The following KIAA1549 variants were observed in gnomAD, a reference collection of about 807,000 sequenced individuals.
The protein encoded by KIAA1549 is UPF0606 protein KIAA1549.
Under a neutral mutation model 156.4 loss-of-function variants are expected in KIAA1549, and 70 were observed. That is an observed-to-expected ratio of 0.45 (90% CI 0.37 to 0.55). The LOEUF (loss-of-function observed/expected upper bound fraction) is 0.55. Ranked by LOEUF, KIAA1549 falls within the 20% of genes least tolerant of loss-of-function variation. KIAA1549 has a pLI of 0.00. For missense variants in KIAA1549, 2,428 were observed against 2,540.9 expected (o/e 0.96, Z 0.96); for synonymous variants, 1,103 against 1,066.4 (o/e 1.03, Z -0.67).
intron 1 of KIAA1549, among the ~76,000 whole-genome samples, chr7:138,939,668 T>C (rs1389945549): frequency 6.6e-6 from 1 of 152,240 alleles, no homozygotes; most frequent in Admixed American, 6.5e-5. Flanking sequence ...AGGAAGCGCC[T>C]GGTTTCTGGC....
Position 138,832,229 on chromosome 7 carries a change from C to A in KIAA1549, c.*5677G>T, listed in dbSNP as rs191136258. On this transcript the variant is annotated 3_prime_UTR_variant, in exon 20 of 20. Transcript: ENST00000422774. The stretch of plus-strand genomic sequence containing the variant: ...TTTTTTTTCCAGAGACAGGACCTCA[C>A]CCTGCAGCCCAGGCTGGAGTGCAGT... The A allele has an allele frequency of 5.3e-6, 1 of 189,198 alleles. No individual in the cohort carries two copies. Among genetic ancestry groups the A allele is most frequent in the Non-Finnish European group, 1.1e-5 (1 of 94,848 alleles). The allele number at this position is 189,198 out of a possible 1,614,324, so 11.7% of individuals were successfully genotyped here. A position where few individuals can be genotyped will look rare whatever the true frequency, so the allele number is the denominator to read the frequency against.
chr7:138,876,016 G>A (rs1051830450), intron 12 of KIAA1549, among the ~76,000 whole-genome samples: 1 of 151,730 alleles, frequency 6.6e-6, no homozygotes, highest in Non-Finnish European at 1.5e-5. Flanking sequence ...AGCCCAGGCT[G>A]GAAAACCACA....
intron 10 of KIAA1549, among the ~76,000 whole-genome samples, chr7:138,887,519 G>A (rs1243320998): frequency 1.3e-5 from 2 of 152,090 alleles, no homozygotes; most frequent in African/African-American, 4.8e-5. Context: ...CTACACTAGT[G>A]ATTTTCCTGA....
At chr7:138,910,872 T>A (rs1256252906) in intron 4 of KIAA1549, among the ~76,000 whole-genome samples, 2 of 148,426 alleles carry the variant, frequency 1.3e-5, no homozygotes, top group African/African-American at 2.5e-5. Context: ...AAAAAAAAAT[T>A]AAAAAAAAAA....
At chr7:138,846,481 C>T (rs1448770613) in intron 17 of KIAA1549, among the ~76,000 whole-genome samples, 3 of 129,690 alleles carry the variant, frequency 2.3e-5, no homozygotes, top group African/African-American at 8.9e-5. Context: ...TTGCGGTGAG[C>T]GGAGATCATG....
intron 1 of KIAA1549, among the ~76,000 whole-genome samples, chr7:138,932,982 G>A (rs1251559873): frequency 6.6e-6 from 1 of 152,210 alleles, no homozygotes; most frequent in African/African-American, 2.4e-5. Context: ...AGGAACGGGA[G>A]GTGACAAGAA....
intron 17 of KIAA1549, among the ~76,000 whole-genome samples, chr7:138,845,130 G>A (rs962325621): frequency 2.0e-5 from 3 of 151,916 alleles, no homozygotes; most frequent in African/African-American, 7.3e-5. Context: ...CTATTTACCA[G>A]ATTAGAAATT....
At chr7:138,840,027 TGATCCGC>T in intron 19 of KIAA1549, 99 bp downstream of exon 19, 1 of 982,876 alleles carries the variant, frequency 1.0e-6, no homozygotes, top group East Asian at 2.8e-5. Flanking sequence ...CCTGACTTCG[TGATCCGC>T]CCGCCTCGGC....
chr7:138,875,872 T>C (rs1184397440), intron 12 of KIAA1549, among the ~76,000 whole-genome samples: 6 of 151,518 alleles, frequency 4.0e-5, no homozygotes, highest in Admixed American at 1.3e-4. Flanking sequence ...CACAGATCAC[T>C]GCAGCCTCGA....
chr7:138,924,203 T>TG (rs909568910), intron 1 of KIAA1549, among the ~76,000 whole-genome samples: 19 of 151,362 alleles, frequency 1.3e-4, no homozygotes, highest in Non-Finnish European at 1.5e-5. Context: ...TTCTTTTTTT[T>TG]TTTTGGATGT....
intron 2 of KIAA1549, 54 bp downstream of exon 2, chr7:138,916,694 A>C: frequency 1.9e-6 from 3 of 1,594,818 alleles, no homozygotes; most frequent in South Asian, 2.3e-5. Context: ...ACTGCACACA[A>C]GCTCCTTAGA....
chr7:138,965,374 A>G (rs1813988917), intron 1 of KIAA1549, among the ~76,000 whole-genome samples: 3 of 151,724 alleles, frequency 2.0e-5, no homozygotes. Context: ...TATTTTTTGT[A>G]GAGATGGGGT....
At chr7:138,847,805 T>C (rs147699712) in intron 17 of KIAA1549, among the ~76,000 whole-genome samples, 145 of 152,356 alleles carry the variant, frequency 9.5e-4, no homozygotes, top group Middle Eastern at 3.4e-3. Flanking sequence ...CTGAATGGGA[T>C]TGCATTGAAT....
intron 1 of KIAA1549, among the ~76,000 whole-genome samples, chr7:138,969,216 C>T (rs1297235434): frequency 6.6e-6 from 1 of 152,196 alleles, no homozygotes; most frequent in Non-Finnish European, 1.5e-5. Flanking sequence ...TTCACATTGT[C>T]GTGCAACTGA....
chr7:138,975,660 T>C (rs1180603216), intron 1 of KIAA1549, among the ~76,000 whole-genome samples: 3 of 152,178 alleles, frequency 2.0e-5, no homozygotes, highest in Admixed American at 2.0e-4. Flanking sequence ...AACTCACCTT[T>C]TAACAAATCC....
intron 17 of KIAA1549, among the ~76,000 whole-genome samples, chr7:138,851,283 A>G (rs187908012): frequency 1.9e-4 from 29 of 151,970 alleles, no homozygotes; most frequent in African/African-American, 6.8e-4. Flanking sequence ...CTTTTGGATT[A>G]TCTTTAAGTT....
chr7:138,981,139 A>G lies in KIAA1549; in HGVS notation c.131T>C (p.Leu44Pro). 1 of 1,215,004 alleles carries G rather than the reference A, an allele frequency of 8.2e-7. No individual in the cohort carries two copies. Among genetic ancestry groups the G allele is most frequent in the Non-Finnish European group, 1.0e-6 (1 of 977,022 alleles). The allele number at this position is 1,215,004 out of a possible 1,614,324, so 75.3% of individuals were successfully genotyped here. A position where few individuals can be genotyped will look rare whatever the true frequency, so the allele number is the denominator to read the frequency against. Residue 44 changes from leucine to proline, a missense_variant, in exon 1 of 20, where the codon CTG (leucine) becomes CCG (proline). Leu to Pro is a moderately conservative substitution (Grantham distance 98). Transcript: ENST00000422774. The surrounding 1 kb of genome is among the most constrained non-coding windows in gnomAD (Gnocchi z 4.5). The part of the protein sequence containing the change: ...ARCARRRRPG[L>P]LLPGLWLLLL... ...CAGCAGCCAGAGGCCAGGAAGCAGC[A>G]GCCCCGGGCGGCGGCGGCGGGCGCA...
At chr7:138,873,742 C>T (rs991493961) in intron 12 of KIAA1549, among the ~76,000 whole-genome samples, 13 of 151,834 alleles carry the variant, frequency 8.6e-5, no homozygotes, top group African/African-American at 2.9e-4. Context: ...GCTTCACCCT[C>T]GCTGAACTGT....
intron 10 of KIAA1549, among the ~76,000 whole-genome samples, chr7:138,887,024 C>T (rs543680938): frequency 6.6e-6 from 1 of 152,226 alleles, no homozygotes; most frequent in South Asian, 2.1e-4. Context: ...GCCTCAGCCT[C>T]CCAACTAGCT....
Sources: allele counts gnomAD v4.1 joint callset (sites outside exome capture counted in the v4.1 genomes callset), GRCh38; gene constraint gnomAD v4.1.1; non-coding constraint Gnocchi (gnomAD v3.1); transcripts MANE v1.5; gene names NCBI Gene and HGNC (gene_info 2026-07-23, HGNC 2026-07-21).